Variants in PRELID2 observed in about 807,000 individuals in gnomAD.
The protein encoded by PRELID2 is PRELI domain containing 2.
In PRELID2, 25 loss-of-function variants were observed where a neutral mutation model predicts 28.4. The observed-to-expected ratio is 0.88, with a 90% CI of 0.64 to 1.23. The LOEUF is 1.23. Among genes scored for constraint, PRELID2 ranks in the 50% most tolerant of loss-of-function variants. The probability of loss-of-function intolerance (pLI) is 0.00; values close to 1 mark genes in which losing one functional copy is unlikely to be tolerated. For synonymous variants in PRELID2, 76 were observed against 71.6 expected, an observed-to-expected ratio of 1.06 and a Z score of -0.31; for missense variants, 201 against 214.4, an observed-to-expected ratio of 0.94 and a Z score of 0.39.
the PRELID2 span, among the ~76,000 whole-genome samples, chr5:145,410,574 A>G: frequency 6.6e-6 from 1 of 152,184 alleles, no homozygotes; most frequent in Admixed American, 6.5e-5. Context: ...AGGAGAGAGA[A>G]TGAGTTCTGA....
At chr5:145,229,616 C>A in the PRELID2 span, 1 of 1,095,718 alleles carries the variant, frequency 9.1e-7, no homozygotes, top group Non-Finnish European at 1.4e-6. Context: ...GGGCTTATTG[C>A]CATCGTGGAG....
At chr5:145,551,675 G>A (rs915391719) in intron 1 of PRELID2, among the ~76,000 whole-genome samples, 1 of 152,180 alleles carries the variant, frequency 6.6e-6, no homozygotes, top group Non-Finnish European at 1.5e-5. Context: ...CACTGTATCA[G>A]TAAGGGTCTT....
rs1044646305 is a variant in PRELID2, at chr5:145,759,396, A to C, written c.*1140T>G. On this transcript the variant is annotated 3_prime_UTR_variant, in exon 7 of 7. Coordinates refer to ENST00000683046, the MANE Select transcript of PRELID2 (RefSeq NM_205846.3). Reference sequence around the variant, plus strand: ...TTATATTTTGGCTTCTGATCACGAGAAATGCAAACTACTGCCATCTAAGTT... The same window carrying C: ...TTATATTTTGGCTTCTGATCACGAGCAATGCAAACTACTGCCATCTAAGTT... 1 of 152,190 alleles carries C rather than the reference A, an allele frequency of 6.6e-6. No homozygotes were observed. The highest frequency in any genetic ancestry group is 2.4e-5 in the African/African-American group (1 of 41,438). 9.4% of individuals were successfully genotyped at this position (152,190 alleles called of 1,614,324 possible).
the PRELID2 span, among the ~76,000 whole-genome samples, chr5:145,379,196 G>A: frequency 6.6e-6 from 1 of 152,122 alleles, no homozygotes; most frequent in African/African-American, 2.4e-5. Context: ...CCACTTCACT[G>A]GGGAAGGGGC....
chr5:145,413,391 C>A, the PRELID2 span, among the ~76,000 whole-genome samples: 1,984 of 152,036 alleles, frequency 0.013, 34 homozygotes, highest in African/African-American at 0.045. Context: ...GGGAATGTAA[C>A]CTAGTACAAC....
the PRELID2 span, among the ~76,000 whole-genome samples, chr5:145,302,515 T>A: frequency 6.6e-6 from 1 of 152,090 alleles, no homozygotes; most frequent in African/African-American, 2.4e-5. Context: ...ATATTTTTAT[T>A]TTTTACCTTT....
At chr5:145,289,926 T>G in the PRELID2 span, among the ~76,000 whole-genome samples, 2,362 of 152,278 alleles carry the variant, frequency 0.016, 52 homozygotes, top group African/African-American at 0.054. Context: ...TGCCAGACTT[T>G]TTGCCATTTT....
the PRELID2 span, among the ~76,000 whole-genome samples, chr5:145,405,702 GTTTT>G: frequency 1.8e-5 from 1 of 54,626 alleles, no homozygotes; most frequent in Admixed American, 2.5e-4. Context: ...CCACATAGTT[GTTTT>G]TTTTTTTTTT....
intron 1 of PRELID2, among the ~76,000 whole-genome samples, chr5:145,656,222 G>A (rs1754390923): frequency 6.6e-6 from 1 of 152,172 alleles, no homozygotes; most frequent in Non-Finnish European, 1.5e-5. Flanking sequence ...ACACCAGTTA[G>A]AATGGCGATC....
chr5:145,745,369 A>T (rs886889578), intron 1 of PRELID2, among the ~76,000 whole-genome samples: 1 of 152,210 alleles, frequency 6.6e-6, no homozygotes, highest in African/African-American at 2.4e-5. Context: ...AACACCACTA[A>T]GATATTCCAT....
intron 1 of PRELID2, among the ~76,000 whole-genome samples, chr5:145,664,653 T>A (rs1328611524): frequency 2.6e-5 from 4 of 152,120 alleles, no homozygotes; most frequent in African/African-American, 9.7e-5. Flanking sequence ...AACATTGTCC[T>A]TTCTCCAGTG....
chr5:145,822,800 T>C lies in PRELID2; in HGVS notation c.133+277A>G, dbSNP rs11950450. Among the ~76,000 whole-genome samples the C allele has an allele frequency of 0.015, 2,291 of 152,266 alleles. 30 individuals are homozygous for C. Among genetic ancestry groups the C allele is most frequent in the South Asian group, 0.027 (130 of 4,824 alleles). The stretch of plus-strand genomic sequence containing the variant: ...TCAAAAATGTTAGCAGTTACAATTA[T>C]ATATAGCTCAGTGTTGTCATCAATT... On this transcript the variant is annotated intron_variant, in intron 2 of 6. Coordinates refer to ENST00000683046, the MANE Select transcript of PRELID2 (RefSeq NM_205846.3).
chr5:145,297,383 T>C, the PRELID2 span, among the ~76,000 whole-genome samples: 2 of 151,940 alleles, frequency 1.3e-5, no homozygotes, highest in Admixed American at 1.3e-4. Context: ...ATTATCTCAA[T>C]AGATGCAGAA....
the PRELID2 span, among the ~76,000 whole-genome samples, chr5:145,294,461 T>C: frequency 1.3e-5 from 2 of 152,292 alleles, no homozygotes; most frequent in East Asian, 1.9e-4. Flanking sequence ...AAAAGTTCTG[T>C]ATCCACACTG....
the PRELID2 span, among the ~76,000 whole-genome samples, chr5:145,435,074 A>G: frequency 6.6e-6 from 1 of 152,222 alleles, no homozygotes; most frequent in African/African-American, 2.4e-5. Context: ...TGGGCTAAGC[A>G]CTGCTGTAGC....
At chr5:145,372,812 C>A in the PRELID2 span, among the ~76,000 whole-genome samples, 4 of 147,024 alleles carry the variant, frequency 2.7e-5, no homozygotes, top group African/African-American at 7.5e-5. Flanking sequence ...CAGTCTGTAC[C>A]TTTTAATTGG....
chr5:145,232,756 C>G, the PRELID2 span, among the ~76,000 whole-genome samples: 1 of 152,054 alleles, frequency 6.6e-6, no homozygotes, highest in Admixed American at 6.6e-5. Context: ...TATATCACCT[C>G]TTCATGTTCA....
At chr5:145,805,728 C>G (rs1753452648) in intron 4 of PRELID2, among the ~76,000 whole-genome samples, 1 of 152,174 alleles carries the variant, frequency 6.6e-6, no homozygotes, top group Non-Finnish European at 1.5e-5. Context: ...GTGCAAACAT[C>G]ATAGAGTGTA....
chr5:145,556,607 C>T (rs1294392124), intron 1 of PRELID2, among the ~76,000 whole-genome samples: 1 of 152,172 alleles, frequency 6.6e-6, no homozygotes, highest in Non-Finnish European at 1.5e-5. Flanking sequence ...CTGATCATAT[C>T]CCCAGTACCC....
Sources: gnomAD v4.1 joint callset for allele counts (sites outside exome capture counted in the v4.1 genomes callset) on GRCh38, gnomAD v4.1.1 for gene constraint, MANE v1.5 for transcripts, NCBI Gene and HGNC (gene_info 2026-07-23, HGNC 2026-07-21) for gene names.